ANKRD44: variants seen among roughly 807,000 people sequenced by gnomAD.
ANKRD44 encodes the protein serine/threonine-protein phosphatase 6 regulatory ankyrin repeat subunit B.
A neutral mutation model predicts 116.0 loss-of-function variants in ANKRD44; 35 were observed. The observed-to-expected ratio is 0.30, with a 90% confidence interval of 0.23 to 0.40. The LOEUF is 0.40. Among genes scored for constraint, ANKRD44 ranks in the 10% least tolerant of loss-of-function variants. The pLI is 1.00. For missense variants in ANKRD44, 1,014 were observed against 1,242.6 expected, an observed-to-expected ratio of 0.82 and a Z score of 2.77; for synonymous variants, 435 against 461.8, an observed-to-expected ratio of 0.94 and a Z score of 0.74.
At chr2:197,147,600 GC>G (rs2079537736) in intron 2 of ANKRD44, among the ~76,000 whole-genome samples, 1 of 151,950 alleles carries the variant, frequency 6.6e-6, no homozygotes, top group Non-Finnish European at 1.5e-5. Context: ...TTGGACCACT[GC>G]CCATTCATGA....
At chr2:197,008,026 C>A (rs2076231848) in intron 19 of ANKRD44, 103 bp from the exon 20 acceptor site, 3 of 769,248 alleles carry the variant, frequency 3.9e-6, no homozygotes, top group Middle Eastern at 2.6e-4. Context: ...TTCCCCTCTC[C>A]TTTTGACAAT....
chr2:197,059,910 C>A (rs1034201720), intron 16 of ANKRD44, among the ~76,000 whole-genome samples: 1 of 152,238 alleles, frequency 6.6e-6, no homozygotes, highest in Non-Finnish European at 1.5e-5. Flanking sequence ...CACTCTCCAT[C>A]CTTCAATTCG....
At chr2:197,147,762 T>C in intron 2 of ANKRD44, 1 of 380,080 alleles carries the variant, frequency 2.6e-6, no homozygotes, top group South Asian at 1.9e-5. Flanking sequence ...TAGATACACA[T>C]GAGATTATTT....
intron 10 of ANKRD44, among the ~76,000 whole-genome samples, chr2:197,091,234 C>T (rs2078036895): frequency 6.6e-6 from 1 of 152,348 alleles, no homozygotes; most frequent in African/African-American, 2.4e-5. Flanking sequence ...AGAGCCTGCA[C>T]AGAGTTCACT....
chr2:197,238,988 G>A (rs1037254702), intron 1 of ANKRD44, among the ~76,000 whole-genome samples: 5 of 151,904 alleles, frequency 3.3e-5, no homozygotes, highest in East Asian at 3.9e-4. Context: ...TGTACCCCTC[G>A]GCTGGGAGTA....
intron 2 of ANKRD44, among the ~76,000 whole-genome samples, chr2:197,178,539 T>A (rs1005714953): frequency 6.6e-6 from 1 of 152,014 alleles, no homozygotes; most frequent in African/African-American, 2.4e-5. Flanking sequence ...AATCCTTAGA[T>A]GCCATGTGAG....
intron 1 of ANKRD44, among the ~76,000 whole-genome samples, chr2:197,245,995 T>C (rs1401630371): frequency 6.6e-6 from 1 of 152,210 alleles, no homozygotes; most frequent in Non-Finnish European, 1.5e-5. Context: ...TCATCCCTAA[T>C]GACCTGCTGT....
intron 21 of ANKRD44, among the ~76,000 whole-genome samples, chr2:196,972,745 C>G (rs2125859420): frequency 6.6e-6 from 1 of 152,294 alleles, no homozygotes; most frequent in East Asian, 1.9e-4. Context: ...TGGTAGGTAT[C>G]TGCATCATAC....
chr2:196,992,223 A>T (rs1322184347), intron 27 of ANKRD44, among the ~76,000 whole-genome samples: 1 of 152,200 alleles, frequency 6.6e-6, no homozygotes, highest in Non-Finnish European at 1.5e-5. Context: ...ATGAAACTTA[A>T]CGTTTTGTTG....
chr2:197,288,019 C>CAAAAAA (rs10666895), intron 1 of ANKRD44, among the ~76,000 whole-genome samples: 2 of 81,758 alleles, frequency 2.4e-5, no homozygotes, highest in Non-Finnish European at 4.6e-5. Context: ...GACTCAGTCT[C>CAAAAAA]AAAAAAAAAA....
chr2:197,225,279 T>C (rs1215891814), intron 1 of ANKRD44, among the ~76,000 whole-genome samples: 2 of 152,230 alleles, frequency 1.3e-5, no homozygotes, highest in Non-Finnish European at 2.9e-5. Flanking sequence ...GGTTTAATAA[T>C]TTGAAACTAA....
At chr2:197,065,947 G>C (rs1245706212) in intron 16 of ANKRD44, among the ~76,000 whole-genome samples, 1 of 152,170 alleles carries the variant, frequency 6.6e-6, no homozygotes, top group Non-Finnish European at 1.5e-5. Flanking sequence ...TACGAGGCCA[G>C]CATCATCCTG....
chr2:197,085,792 T>C (rs1266741536), intron 13 of ANKRD44, among the ~76,000 whole-genome samples: 3 of 152,216 alleles, frequency 2.0e-5, no homozygotes, highest in Admixed American at 2.0e-4. Context: ...TTTACTTCTT[T>C]ACTTTCTCAA....
At chr2:197,273,249 G>C (rs1006458034) in intron 1 of ANKRD44, among the ~76,000 whole-genome samples, 1 of 152,194 alleles carries the variant, frequency 6.6e-6, no homozygotes, top group African/African-American at 2.4e-5. Flanking sequence ...GGACATTTAA[G>C]AAGCCATGGA....
chr2:197,240,963 G>A (rs1018055482), intron 1 of ANKRD44, among the ~76,000 whole-genome samples: 1 of 151,828 alleles, frequency 6.6e-6, no homozygotes, highest in Admixed American at 6.6e-5. Context: ...AGTCTCAGAA[G>A]CATCTTACTG....
intron 3 of ANKRD44, among the ~76,000 whole-genome samples, chr2:197,141,420 C>A (rs769470643): frequency 4.6e-5 from 7 of 152,064 alleles, no homozygotes; most frequent in Non-Finnish European, 8.8e-5. Flanking sequence ...TATTTACACA[C>A]TTTTATCATT....
chr2:197,011,882 C>T (rs770297798), intron 18 of ANKRD44, among the ~76,000 whole-genome samples: 1 of 152,180 alleles, frequency 6.6e-6, no homozygotes, highest in Non-Finnish European at 1.5e-5. Context: ...CAAAAAGATG[C>T]TAACATCTTT....
intron 1 of ANKRD44, among the ~76,000 whole-genome samples, chr2:197,236,268 C>A (rs2081975133): frequency 6.6e-6 from 1 of 152,076 alleles, no homozygotes; most frequent in African/African-American, 2.4e-5. Flanking sequence ...TATCACAAAG[C>A]CCCTACTATG....
chr2:197,163,401 A>T (rs1349454527), intron 2 of ANKRD44, among the ~76,000 whole-genome samples: 1 of 152,246 alleles, frequency 6.6e-6, no homozygotes, highest in Non-Finnish European at 1.5e-5. Context: ...CCACAGTGCC[A>T]GTTCCTGGGA....
Sources: gnomAD v4.1 joint callset for allele counts (sites outside exome capture counted in the v4.1 genomes callset) on GRCh38, gnomAD v4.1.1 for gene constraint, MANE v1.5 for transcripts, NCBI Gene and HGNC (gene_info 2026-07-23, HGNC 2026-07-21) for gene names.